Variants in KCNQ1 observed in about 807,000 individuals in gnomAD.
KCNQ1 encodes potassium voltage-gated channel subfamily KQT member 1.
A neutral mutation model predicts 72.4 loss-of-function variants in KCNQ1; 49 were observed. That is an observed-to-expected ratio of 0.68 (90% CI 0.54 to 0.86). The LOEUF (loss-of-function observed/expected upper bound fraction) is 0.86, where lower values mean the gene tolerates loss of function less well. Ranked by LOEUF, KCNQ1 falls within the 40% of genes least tolerant of loss-of-function variation. The pLI is 0.00. For missense variants in KCNQ1, 790 were observed against 945.1 expected (o/e 0.84, Z 2.15); for synonymous variants, 450 against 412.6 (o/e 1.09, Z -1.10).
chr11:2,570,870 C>G, intron 3 of KCNQ1, 116 bp downstream of exon 3: 1 of 1,417,998 alleles, frequency 7.1e-7, no homozygotes, highest in Non-Finnish European at 9.8e-7. Flanking sequence ...CCAAGGCCAG[C>G]AGGGGGTGAC....
rs1253941109 is a variant in KCNQ1 at position 2,698,151 on chromosome 11, G to A, written c.1514+36070G>A. The A allele has an allele frequency of 5.0e-6, 2 of 398,520 alleles. No individual in the cohort carries two copies. Among genetic ancestry groups the A allele is most frequent in the Non-Finnish European group, 8.8e-6 (2 of 226,072 alleles). 24.7% of individuals were successfully genotyped at this position (398,520 alleles called of 1,614,324 possible). On this transcript the variant is annotated intron_variant, in intron 11 of 15. Coordinates refer to ENST00000155840, the MANE Select transcript of KCNQ1 (RefSeq NM_000218.3). This position sits in a 1 kb window ranked among gnomAD's most constrained non-coding sequence, Gnocchi z 5.1. ...AGCAGGCAGCAGAAAACAAAACAGAGTTCCTCGTTGGGAGCTTTTGGTCTA... is the reference window on the plus strand; with the variant it reads ...AGCAGGCAGCAGAAAACAAAACAGAATTCCTCGTTGGGAGCTTTTGGTCTA...
rs231845 is a variant in KCNQ1 at position 2,715,453 on chromosome 11, C to G, written c.1514+53372C>G. ...GGGAATGGGGGGAGGCCAGGGAGGA[C>G]CCCCTGCAGCCTGGCTCAGGCAGGG... On this transcript the variant is annotated intron_variant, in intron 11 of 15. Transcript: ENST00000155840. This position sits in a 1 kb window ranked among gnomAD's most constrained non-coding sequence, Gnocchi z 4.9. 6.6e-6 allele frequency among the ~76,000 whole-genome samples: 1 copy of G among 151,944 alleles called. No homozygotes were observed. The highest frequency in any genetic ancestry group is 2.4e-5 in the African/African-American group (1 of 41,338).
At chr11:2,569,910 C>A (rs565709705) in intron 2 of KCNQ1, among the ~76,000 whole-genome samples, 2 of 152,302 alleles carry the variant, frequency 1.3e-5, no homozygotes, top group South Asian at 2.1e-4. Context: ...CCTCCAGGAA[C>A]CTCCGCCCTC....
At position 2,617,712 on chromosome 11, in the gene KCNQ1, A is replaced by T. The variant is rs1037146492; in HGVS notation, c.1393+28858A>T. The stretch of plus-strand genomic sequence containing the variant: ...CAAGAGTTCCCTAACCCTAGCCAAC[A>T]CTTAATAGCTATTCTCATGAGTGTG... On this transcript the variant is annotated intron_variant, in intron 10 of 15. Coordinates refer to ENST00000155840, the MANE Select transcript of KCNQ1 (RefSeq NM_000218.3). This position sits in a 1 kb window ranked among gnomAD's most constrained non-coding sequence, Gnocchi z 4.6. The T allele has an allele frequency of 5.0e-6, 2 of 398,256 alleles. No homozygotes were observed. Among genetic ancestry groups the T allele is most frequent in the Admixed American group, 8.8e-5 (2 of 22,696 alleles). The allele number at this position is 398,256 out of a possible 1,614,324, so 24.7% of individuals were successfully genotyped here. A position where few individuals can be genotyped will look rare whatever the true frequency, so the allele number is the denominator to read the frequency against.
In KCNQ1 at chr11:2,471,906, G is replaced by A. The variant is rs941295784; in HGVS notation, c.386+26422G>A. Among the ~76,000 whole-genome samples, 22 of 150,056 alleles carry A rather than the reference G, an allele frequency of 1.5e-4. No individual in the cohort carries two copies. The highest frequency in any genetic ancestry group is 2.6e-4 in the Admixed American group (4 of 15,152). ...CACATGTGTATAGGTGTGTGTATGC[G>A]TGCACCTATGTGTGTATAGGCGTGT... On this transcript the variant is annotated intron_variant, in intron 1 of 15. Coordinates refer to ENST00000155840, the MANE Select transcript of KCNQ1 (RefSeq NM_000218.3). The surrounding 1 kb of genome is among the most constrained non-coding windows in gnomAD (Gnocchi z 4.8).
rs937572194 is a variant in KCNQ1 at position 2,813,323 on chromosome 11, C to G, written c.1795-34444C>G. ...CCAGGGCTCATTCAAGGGCATCTGC[C>G]CTGTGTCCTCATGCACCTCCATTCA... is the stretch of plus-strand genomic sequence containing the variant. On this transcript the variant is annotated intron_variant, in intron 15 of 15. Transcript: ENST00000155840. This position sits in a 1 kb window ranked among gnomAD's most constrained non-coding sequence, Gnocchi z 4.4. 1.3e-5 allele frequency among the ~76,000 whole-genome samples: 2 copies of G among 152,202 alleles called. No homozygotes were observed.
chr11:2,692,089 C>T (rs1487786619), intron 11 of KCNQ1: 4 of 398,614 alleles, frequency 1.0e-5, no homozygotes, highest in Non-Finnish European at 1.8e-5. Context: ...CACCTGCCCC[C>T]ACCTCCTCTC....
At chr11:2,778,137 T>C (rs963119835) in intron 15 of KCNQ1, 100 bp downstream of exon 15, 1 of 1,135,380 alleles carries the variant, frequency 8.8e-7, no homozygotes, top group Non-Finnish European at 1.3e-6. Flanking sequence ...CCTGCAGGCC[T>C]CCCCACCTTC....
chr11:2,621,326 T>G lies in KCNQ1; in HGVS notation c.1393+32472T>G. On this transcript the variant is annotated intron_variant, in intron 10 of 15. Coordinates refer to ENST00000155840, the MANE Select transcript of KCNQ1 (RefSeq NM_000218.3). This position sits in a 1 kb window ranked among gnomAD's most constrained non-coding sequence, Gnocchi z 5.7. ...TAGTGATCATGAGAATGTTTTTTTGTTTGGCTACTTCTGTATTTTCTTTTA... is the reference window on the plus strand; with the variant it reads ...TAGTGATCATGAGAATGTTTTTTTGGTTGGCTACTTCTGTATTTTCTTTTA... The G allele has an allele frequency of 5.0e-6, 2 of 398,590 alleles. No individual in the cohort carries two copies. Among genetic ancestry groups the G allele is most frequent in the Non-Finnish European group, 8.8e-6 (2 of 226,032 alleles). The allele number at this position is 398,590 out of a possible 1,614,324, so 24.7% of individuals were successfully genotyped here. A position where few individuals can be genotyped will look rare whatever the true frequency, so the allele number is the denominator to read the frequency against.
rs533566792 is a variant in KCNQ1, at chr11:2,707,070, C to T, written c.1514+44989C>T. On this transcript the variant is annotated intron_variant, in intron 11 of 15. Coordinates refer to ENST00000155840, the MANE Select transcript of KCNQ1 (RefSeq NM_000218.3). ...GGGCAGCACCCACAAGGACCAGGAG[C>T]GGGGTTCTCAACAGCCACTTCTGTC... Among the ~76,000 whole-genome samples, 154 of 152,294 alleles carry T rather than the reference C, an allele frequency of 1.0e-3. 1 individual carries two copies. The highest frequency in any genetic ancestry group is 6.6e-3 in the South Asian group (32 of 4,820).
chr11:2,794,180 G>C (rs373494780), intron 15 of KCNQ1, among the ~76,000 whole-genome samples: 11 of 152,318 alleles, frequency 7.2e-5, no homozygotes, highest in Non-Finnish European at 1.6e-4. Context: ...GGGCTGCTGT[G>C]GGATGAGGGA....
chr11:2,728,994 A>C (rs1845808399), intron 11 of KCNQ1, among the ~76,000 whole-genome samples: 1 of 152,238 alleles, frequency 6.6e-6, no homozygotes, highest in Non-Finnish European at 1.5e-5. Flanking sequence ...GCCACTGCAG[A>C]CACAGGGGCT....
intron 1 of KCNQ1, among the ~76,000 whole-genome samples, chr11:2,449,756 C>T (rs1322733721): frequency 6.6e-6 from 1 of 152,152 alleles, no homozygotes; most frequent in Admixed American, 6.5e-5. Flanking sequence ...CTGATGCCCC[C>T]GTTTTTAAAG....
chr11:2,658,928 CTAGAT>C lies in KCNQ1; in HGVS notation c.1394-3028_1394-3024del, dbSNP rs1849900985. 4 of 398,532 alleles carry C rather than the reference CTAGAT, an allele frequency of 1.0e-5. No individual in the cohort carries two copies. Among genetic ancestry groups the C allele is most frequent in the Non-Finnish European group, 1.8e-5 (4 of 226,020 alleles). The allele number at this position is 398,532 out of a possible 1,614,324, so 24.7% of individuals were successfully genotyped here. ...ACCCTATGTGAAGCAAATTTACCTA[CTAGAT>C]TAGAGTGTTTAGGACAGACTTTTGC... On this transcript the variant is annotated intron_variant, in intron 10 of 15. Coordinates refer to ENST00000155840, the MANE Select transcript of KCNQ1 (RefSeq NM_000218.3). The surrounding 1 kb of genome is among the most constrained non-coding windows in gnomAD (Gnocchi z 4.9).
In KCNQ1 at chr11:2,827,027, C is replaced by T. The variant is rs1847855124; in HGVS notation, c.1795-20740C>T. ...GTCATTTTCAGTCACTCACAAGCCA[C>T]AGGAGGGCTTCAGCCTGAAGCTCAG... On this transcript the variant is annotated intron_variant, in intron 15 of 15. Coordinates refer to ENST00000155840, the MANE Select transcript of KCNQ1 (RefSeq NM_000218.3). This position sits in a 1 kb window ranked among gnomAD's most constrained non-coding sequence, Gnocchi z 6.7. Among the ~76,000 whole-genome samples, 1 of 152,152 alleles carries T rather than the reference C, an allele frequency of 6.6e-6. No homozygotes were observed. Among genetic ancestry groups the T allele is most frequent in the African/African-American group, 2.4e-5 (1 of 41,434 alleles).
rs544407698 is a variant in KCNQ1, at chr11:2,475,673, A to T, written c.386+30189A>T. On this transcript the variant is annotated intron_variant, in intron 1 of 15. Coordinates refer to ENST00000155840, the MANE Select transcript of KCNQ1 (RefSeq NM_000218.3). This position sits in a 1 kb window ranked among gnomAD's most constrained non-coding sequence, Gnocchi z 5.8. Reference sequence around the variant, plus strand: ...AGTGACGTGGTTTGTCACTGCCCGGATCTCATCTTGAATTCCCTGTGTTGT... The same window carrying T: ...AGTGACGTGGTTTGTCACTGCCCGGTTCTCATCTTGAATTCCCTGTGTTGT... 6.6e-6 allele frequency among the ~76,000 whole-genome samples: 1 copy of T among 152,178 alleles called. No homozygotes were observed. Among genetic ancestry groups the T allele is most frequent in the Non-Finnish European group, 1.5e-5 (1 of 68,002 alleles).
intron 15 of KCNQ1, among the ~76,000 whole-genome samples, chr11:2,779,449 C>T (rs2133994347): frequency 6.6e-6 from 1 of 152,260 alleles, no homozygotes; most frequent in South Asian, 2.1e-4. Context: ...CCCCAGCCTC[C>T]ACTCCTGCTT....
chr11:2,666,157 AG>A (rs1347193052), intron 11 of KCNQ1: 1 of 398,568 alleles, frequency 2.5e-6, no homozygotes, highest in East Asian at 3.6e-5. Context: ...TAGATGGGCA[AG>A]CCCCAGCTCG....
In KCNQ1 at chr11:2,588,420, CCT is replaced by C. The variant is rs1358383099; in HGVS notation, c.1252-292_1252-291del. On this transcript the variant is annotated intron_variant, in intron 9 of 15. Coordinates refer to ENST00000155840, the MANE Select transcript of KCNQ1 (RefSeq NM_000218.3). This position sits in a 1 kb window ranked among gnomAD's most constrained non-coding sequence, Gnocchi z 5.6. ...GCATTCTCCCCTACTGGTCACAGCC[CCT>C]GTTACCACCTCCACTGGCACCATCT... Among the ~76,000 whole-genome samples, 7 of 152,202 alleles carry C rather than the reference CCT, an allele frequency of 4.6e-5. No homozygotes were observed. The highest frequency in any genetic ancestry group is 1.9e-4 in the East Asian group (1 of 5,188).
Sources: gnomAD v4.1 joint callset for allele counts (sites outside exome capture counted in the v4.1 genomes callset) on GRCh38, gnomAD v4.1.1 for gene constraint, Gnocchi (gnomAD v3.1) non-coding constraint, MANE v1.5 for transcripts, NCBI Gene and HGNC (gene_info 2026-07-23, HGNC 2026-07-21) for gene names.